EVI5: variants seen among roughly 807,000 people sequenced by gnomAD.
EVI5 encodes ecotropic viral integration site 5, also known as ecotropic viral integration site 5 protein homolog.
EVI5 carries 73 observed loss-of-function variants against 112.0 expected under a neutral mutation model. The ratio of observed to expected loss-of-function variants is 0.65; its 90% confidence interval spans 0.54 to 0.79. EVI5 has a LOEUF of 0.79. Among genes scored for constraint, EVI5 ranks in the 30% least tolerant of loss-of-function variants. The probability of loss-of-function intolerance (pLI) is 0.00; values close to 1 mark genes in which losing one functional copy is unlikely to be tolerated. For synonymous variants in EVI5, 305 were observed against 319.9 expected (o/e 0.95, Z 0.50); for missense variants, 900 against 968.8 (o/e 0.93, Z 0.94).
intron 19 of EVI5, among the ~76,000 whole-genome samples, chr1:92,528,197 G>A (rs890767336): frequency 6.6e-6 from 1 of 152,178 alleles, no homozygotes; most frequent in Non-Finnish European, 1.5e-5. Flanking sequence ...ATCCAATCAC[G>A]TTAGTGAAGA....
At chr1:92,736,730 A>G in intron 1 of EVI5, 103 bp from the exon 2 acceptor site, 1 of 814,650 alleles carries the variant, frequency 1.2e-6, no homozygotes, top group Non-Finnish European at 2.0e-6. Flanking sequence ...TCATCAGAAT[A>G]TTCTCTTTGA....
intron 11 of EVI5, among the ~76,000 whole-genome samples, chr1:92,663,697 G>A (rs924081224): frequency 1.3e-5 from 2 of 152,156 alleles, no homozygotes; most frequent in Non-Finnish European, 2.9e-5. Context: ...CAAATTCCAA[G>A]TGGGTTTTCA....
In EVI5 at chr1:92,703,428, G is replaced by T. The variant is rs758559681; in HGVS notation, c.531C>A (p.Ser177Arg). ...CATTAAATAAAACCTCCTGTCCAAG[G>T]CTATCTTTTTCCTTAAAAAAGTTGT... ...PEHNFFKEKD[S>R]LGQEVLFNVM... is the part of the protein sequence containing the mutation. The change falls in exon 4 of 20, where the codon AGC becomes AGA. Residue 177 changes from serine to arginine, a missense_variant. Transcript: ENST00000684568. The T allele has an allele frequency of 6.3e-7, 1 of 1,581,060 alleles. No homozygotes were observed. Among genetic ancestry groups the T allele is most frequent in the Non-Finnish European group, 8.6e-7 (1 of 1,169,214 alleles).
intron 2 of EVI5, among the ~76,000 whole-genome samples, chr1:92,705,003 C>CT (rs1671750430): frequency 6.6e-6 from 1 of 152,000 alleles, no homozygotes. Flanking sequence ...TATAATTTCC[C>CT]TTCGTCTCCA....
intron 18 of EVI5, among the ~76,000 whole-genome samples, chr1:92,575,892 A>G (rs1351202846): frequency 6.6e-6 from 1 of 152,032 alleles, no homozygotes; most frequent in Non-Finnish European, 1.5e-5. Flanking sequence ...AATTTTTATC[A>G]TATTGTTAAT....
intron 1 of EVI5, among the ~76,000 whole-genome samples, chr1:92,738,154 C>T (rs996737186): frequency 6.6e-6 from 1 of 152,056 alleles, no homozygotes; most frequent in Non-Finnish European, 1.5e-5. Flanking sequence ...GTATAGGAAC[C>T]AAATAATAAT....
upstream of EVI5, among the ~76,000 whole-genome samples, chr1:92,786,114 A>G (rs1685614717): frequency 6.6e-6 from 1 of 151,746 alleles, no homozygotes; most frequent in Non-Finnish European, 1.5e-5. Flanking sequence ...GACAAAAATT[A>G]TAATAATTAG....
intron 18 of EVI5, among the ~76,000 whole-genome samples, chr1:92,569,918 A>G (rs1264561522): frequency 6.6e-6 from 1 of 151,774 alleles, no homozygotes; most frequent in Admixed American, 6.6e-5. Flanking sequence ...AAAGAGTAAT[A>G]TAAGAAAGAT....
intron 9 of EVI5, among the ~76,000 whole-genome samples, chr1:92,686,148 A>G (rs564670438): frequency 6.6e-6 from 1 of 152,362 alleles, no homozygotes; most frequent in African/African-American, 2.4e-5. Flanking sequence ...AAAATCCTCA[A>G]TAAAATATTG....
chr1:92,688,599 G>C (rs1668966909), intron 9 of EVI5, among the ~76,000 whole-genome samples: 1 of 151,834 alleles, frequency 6.6e-6, no homozygotes, highest in Admixed American at 6.6e-5. Flanking sequence ...GCTGTAAAAA[G>C]GAAGGTGCGA....
Position 92,678,024 on chromosome 1 carries a change from G to A in EVI5, c.1098-806C>T, listed in dbSNP as rs1055399125. Among the ~76,000 whole-genome samples the A allele has an allele frequency of 5.9e-5, 9 of 152,158 alleles. 1 individual carries two copies. The highest frequency in any genetic ancestry group is 3.9e-4 in the Admixed American group (6 of 15,282). On this transcript the variant is annotated intron_variant, in intron 9 of 19. Coordinates refer to ENST00000684568, the MANE Select transcript of EVI5 (RefSeq NM_001350197.2). ...ACTGGGTACTCATGGACATAAAGAT[G>A]GGAACAACAGATACTGAGGACTAAT...
chr1:92,590,527 C>G (rs949172533), intron 18 of EVI5, among the ~76,000 whole-genome samples: 1 of 151,980 alleles, frequency 6.6e-6, no homozygotes, highest in African/African-American at 2.4e-5. Context: ...GATGGAATAT[C>G]AAATGAATGA....
intron 19 of EVI5, among the ~76,000 whole-genome samples, chr1:92,528,548 T>C (rs753910791): frequency 6.6e-6 from 1 of 152,148 alleles, no homozygotes; most frequent in African/African-American, 2.4e-5. Context: ...CAAATGGAAA[T>C]AACTCAAATG....
At chr1:92,565,150 T>C (rs1248583499) in intron 18 of EVI5, among the ~76,000 whole-genome samples, 1 of 152,232 alleles carries the variant, frequency 6.6e-6, no homozygotes, top group Non-Finnish European at 1.5e-5. Context: ...GGCTTACTTT[T>C]AACAGTTGCC....
At chr1:92,598,457 A>C (rs528893702) in intron 18 of EVI5, among the ~76,000 whole-genome samples, 1 of 152,196 alleles carries the variant, frequency 6.6e-6, no homozygotes, top group Non-Finnish European at 1.5e-5. Context: ...ATAAACCAAC[A>C]TAAGAGTCTA....
intron 1 of EVI5, among the ~76,000 whole-genome samples, chr1:92,776,968 A>G (rs1389296407): frequency 2.0e-5 from 3 of 151,402 alleles, no homozygotes; most frequent in Non-Finnish European, 4.4e-5. Context: ...ACGCCTGGCT[A>G]ATTTTTTGTA....
chr1:92,717,868 A>C (rs1366925123), intron 2 of EVI5, among the ~76,000 whole-genome samples: 1 of 152,152 alleles, frequency 6.6e-6, no homozygotes, highest in African/African-American at 2.4e-5. Flanking sequence ...AGCAATTGGA[A>C]AGCAAAAAAA....
chr1:92,785,647 G>A (rs1011823975), upstream of EVI5, among the ~76,000 whole-genome samples: 1 of 152,208 alleles, frequency 6.6e-6, no homozygotes, highest in Non-Finnish European at 1.5e-5. Context: ...AGATTCAGCC[G>A]GGCAGCCCTC....
intron 18 of EVI5, among the ~76,000 whole-genome samples, chr1:92,565,947 G>GAAAAAA (rs1489150281): frequency 2.6e-4 from 1 of 3,900 alleles, no homozygotes; most frequent in Admixed American, 3.6e-3. Flanking sequence ...TCCAGCCCGA[G>GAAAAAA]CAAAAAAAAA....
Sources: gnomAD v4.1 joint callset for allele counts (sites outside exome capture counted in the v4.1 genomes callset) on GRCh38, gnomAD v4.1.1 for gene constraint, MANE v1.5 for transcripts, NCBI Gene and HGNC (gene_info 2026-07-23, HGNC 2026-07-21) for gene names.